CATSPERG: variants seen among roughly 807,000 people sequenced by gnomAD.
The protein encoded by CATSPERG is catsper channel auxiliary subunit gamma, also known as cation channel sperm-associated auxiliary subunit gamma.
A neutral mutation model predicts 145.0 loss-of-function variants in CATSPERG; 115 were observed. That is an observed-to-expected ratio of 0.79 (90% confidence interval 0.68 to 0.93). CATSPERG has a LOEUF of 0.93. CATSPERG is among the 40% of genes least tolerant of loss of function. The probability of loss-of-function intolerance (pLI) is 0.00; values close to 1 mark genes in which losing one functional copy is unlikely to be tolerated. For synonymous variants in CATSPERG, 588 were observed against 589.0 expected (o/e 1.00, Z 0.02); for missense variants, 1,296 against 1,490.1 (o/e 0.87, Z 2.14).
chr19:38,338,435 A>G (rs1234288262), intron 3 of CATSPERG, among the ~76,000 whole-genome samples: 6 of 152,194 alleles, frequency 3.9e-5, no homozygotes, highest in Non-Finnish European at 7.3e-5. Flanking sequence ...GGCGTGAGCC[A>G]CCTCACCCGG....
intron 3 of CATSPERG, 180 bp downstream of exon 3, chr19:38,337,826 C>T: frequency 5.7e-6 from 3 of 524,590 alleles, no homozygotes; most frequent in South Asian, 5.2e-5. Context: ...TCAAGCGATG[C>T]TCCTGCCTCG....
At chr19:38,349,287 A>G (rs1207592304) in intron 7 of CATSPERG, 3 of 151,982 alleles carry the variant, frequency 2.0e-5, no homozygotes, top group African/African-American at 7.3e-5. Flanking sequence ...GCATATCACC[A>G]TGCCTGGCTA....
chr19:38,369,896 G>A, intron 26 of CATSPERG, 76 bp from the exon 27 acceptor site: 1 of 1,359,556 alleles, frequency 7.4e-7, no homozygotes, highest in Admixed American at 1.7e-5. Flanking sequence ...CGAAAACATT[G>A]GGTGGAGGAA....
intron 20 of CATSPERG, among the ~76,000 whole-genome samples, chr19:38,364,103 C>A (rs1177291211): frequency 6.6e-6 from 1 of 151,604 alleles, no homozygotes; most frequent in Non-Finnish European, 1.5e-5. Flanking sequence ...GCTGACCCCC[C>A]CACCTCCCTC....
chr19:38,362,095 T>G (rs1320681868), intron 17 of CATSPERG, 115 bp from the exon 18 acceptor site: 1 of 1,211,752 alleles, frequency 8.3e-7, no homozygotes, highest in Admixed American at 2.1e-5. Context: ...GTGTGTATCT[T>G]CTGCTCTGGG....
chr19:38,370,798 C>T lies in CATSPERG; in HGVS notation c.*6C>T, dbSNP rs376748860. ...AGAGACAGTTGATGACCTGAGTGTCCCACCTGCCCCAGCCCCCAGTTACTG... is the reference window on the plus strand; with the variant it reads ...AGAGACAGTTGATGACCTGAGTGTCTCACCTGCCCCAGCCCCCAGTTACTG... On this transcript the variant is annotated 3_prime_UTR_variant, in exon 29 of 29. Transcript: ENST00000409235. The T allele has an allele frequency of 8.1e-5, 130 of 1,610,496 alleles. 1 individual carries two copies. In the Middle Eastern group the frequency reaches 1.0e-3, roughly 13 times the overall value.
chr19:38,358,695 A>G (rs564871455), intron 13 of CATSPERG, 134 bp downstream of exon 13: 1 of 1,080,272 alleles, frequency 9.3e-7, no homozygotes, highest in Non-Finnish European at 1.4e-6. Flanking sequence ...AGAAGTTACC[A>G]GGACTGTGAT....
Position 38,344,383 on chromosome 19 carries a change from C to T in CATSPERG, c.669+15C>T, listed in dbSNP as rs1422982318. On this transcript the variant is annotated intron_variant, in intron 6 of 28. Transcript: ENST00000409235. ...TGGGAGAGGAGGTGAGGGAATATGG[C>T]AGGGGAAAAAGACAATGGTCTGGGC... 15 of 1,548,846 alleles carry T rather than the reference C, an allele frequency of 9.7e-6. 1 individual carries two copies. In the South Asian group the frequency reaches 1.7e-4, roughly 17 times the overall value.
Position 38,367,171 on chromosome 19 carries a change from C to T in CATSPERG, c.2629C>T (p.Pro877Ser), listed in dbSNP as rs146226179. Residue 877 changes from proline to serine, a missense_variant, in exon 23 of 29, where the codon CCA (proline) becomes TCA (serine). Pro to Ser is a moderately conservative substitution (Grantham distance 74, BLOSUM62 -1). Transcript: ENST00000409235. ...TCCCACCGAGGGCAACCTGATGGTG[C>T]CAGTGTTCATTGGCTGCCCCCCAGG... ...GPHMQGNLMV[P>S]VFIGCPPGKR... 2,692 of 1,613,378 alleles carry T rather than the reference C, an allele frequency of 1.7e-3. 3 individuals are homozygous for T. Among genetic ancestry groups the T allele is most frequent in the Non-Finnish European group, 2.0e-3 (2,331 of 1,179,734 alleles).
In CATSPERG at chr19:38,359,351, GC is replaced by G. The variant is rs112204253; in HGVS notation, c.1497-118del. Reference sequence around the variant, plus strand: ...TGGGGGGCGGGAGCTAGGATTTCAAGCTTCCTTTGCATGTTCTTACAAGTGG... The same window carrying G: ...TGGGGGGCGGGAGCTAGGATTTCAAGTTCCTTTGCATGTTCTTACAAGTGG... On this transcript the variant is annotated intron_variant, in intron 13 of 28. Transcript: ENST00000409235. The G allele has an allele frequency of 1.8e-4, 111 of 627,968 alleles. 1 individual carries two copies. Among genetic ancestry groups the G allele is most frequent in the African/African-American group, 1.4e-3 (78 of 55,360 alleles). The allele number at this position is 627,968 out of a possible 1,614,324, so 38.9% of individuals were successfully genotyped here. A position where few individuals can be genotyped will look rare whatever the true frequency, so the allele number is the denominator to read the frequency against.
chr19:38,362,878 T>C, intron 20 of CATSPERG, 46 bp downstream of exon 20: 4 of 1,215,014 alleles, frequency 3.3e-6, no homozygotes, highest in Non-Finnish European at 4.7e-6. Context: ...TTTGTTTTTT[T>C]TTTTTTTTTT....
In CATSPERG at chr19:38,362,838, G is replaced by T. The variant is rs1568381879; in HGVS notation, c.2475+6G>T. ...GCAACTCGGTGCTATTTTCGGTGAG[G>T]CCCCCCGGGGAGTTGGGATCAAGGG... On this transcript the variant is annotated splice_donor_region_variant and intron_variant, in intron 20 of 28. Transcript: ENST00000409235. 1 of 1,476,328 alleles carries T rather than the reference G, an allele frequency of 6.8e-7. No individual in the cohort carries two copies. The highest frequency in any genetic ancestry group is 9.5e-7 in the Non-Finnish European group (1 of 1,054,556). The allele number at this position is 1,476,328 out of a possible 1,614,324, so 91.5% of individuals were successfully genotyped here. A position where few individuals can be genotyped will look rare whatever the true frequency, so the allele number is the denominator to read the frequency against.
intron 3 of CATSPERG, among the ~76,000 whole-genome samples, chr19:38,339,117 GGT>G (rs1346968781): frequency 2.0e-5 from 3 of 152,170 alleles, no homozygotes; most frequent in Non-Finnish European, 4.4e-5. Flanking sequence ...CAAAGAAACA[GGT>G]GGTGAGAATG....
chr19:38,364,703 C>T (rs1431056322), intron 20 of CATSPERG, among the ~76,000 whole-genome samples, 188 bp from the exon 21 acceptor site: 1 of 152,254 alleles, frequency 6.6e-6, no homozygotes, highest in Non-Finnish European at 1.5e-5. Flanking sequence ...GCGGATCACT[C>T]GCGGTTAGGA....
At chr19:38,362,137 C>A (rs886915642) in intron 17 of CATSPERG, 73 bp from the exon 18 acceptor site, 96 of 1,498,978 alleles carry the variant, frequency 6.4e-5, no homozygotes, top group Non-Finnish European at 8.3e-5. Flanking sequence ...AGGAGGTGGT[C>A]TGGGGATGCC....
chr19:38,358,355 C>T (rs1457540639), intron 12 of CATSPERG, 27 bp downstream of exon 12: 1 of 1,614,018 alleles, frequency 6.2e-7, no homozygotes, highest in East Asian at 2.2e-5. Flanking sequence ...GACGTGGCCT[C>T]AGGGTGGCTG....
At chr19:38,336,210 A>C (rs1176204777) in intron 1 of CATSPERG, 1 of 456,576 alleles carries the variant, frequency 2.2e-6, no homozygotes, top group Admixed American at 2.4e-5. Flanking sequence ...AGACTCAAGA[A>C]GGTGCCGGCT....
chr19:38,360,960 G>A, intron 16 of CATSPERG, 117 bp downstream of exon 16: 1 of 829,490 alleles, frequency 1.2e-6, no homozygotes, highest in South Asian at 1.6e-5. Flanking sequence ...TCAGGGCTAT[G>A]ATGGCAGGAG....
In CATSPERG at chr19:38,356,753, T is replaced by G; in HGVS notation, c.1207T>G (p.Ser403Ala). 1 of 1,614,124 alleles carries G rather than the reference T, an allele frequency of 6.2e-7. No individual in the cohort carries two copies. The highest frequency in any genetic ancestry group is 1.3e-5 in the African/African-American group (1 of 75,042). ...CCTTTCCCTCTCAGTTACCACCTGC[T>G]CCATAATTTGGTCTGAATACATCGC... is the stretch of plus-strand genomic sequence containing the variant. Reference protein sequence around the residue: ...VCEQIGVTTCSIIWSEYIAGE... With the variant: ...VCEQIGVTTCAIIWSEYIAGE... The change falls in exon 11 of 29, where the codon TCC becomes GCC. Residue 403 changes from serine (S) to alanine (A), a missense_variant. Coordinates refer to ENST00000409235, the MANE Select transcript of CATSPERG (RefSeq NM_021185.5).
Sources: gnomAD v4.1 joint callset for allele counts (sites outside exome capture counted in the v4.1 genomes callset) on GRCh38, gnomAD v4.1.1 for gene constraint, MANE v1.5 for transcripts, NCBI Gene and HGNC (gene_info 2026-07-23, HGNC 2026-07-21) for gene names.